Variants in TRHDE observed in about 807,000 individuals in gnomAD.
The protein encoded by TRHDE is thyrotropin releasing hormone degrading enzyme, also known as thyrotropin-releasing hormone-degrading ectoenzyme.
Under a neutral mutation model 125.7 loss-of-function variants are expected in TRHDE, and 72 were observed. The ratio of observed to expected loss-of-function variants is 0.57; its 90% CI spans 0.47 to 0.70. The LOEUF (loss-of-function observed/expected upper bound fraction) is 0.70. TRHDE is among the 30% of genes least tolerant of loss of function. The pLI, the probability that TRHDE is intolerant of heterozygous loss-of-function variation, is 0.00. For missense variants in TRHDE, 1,110 were observed against 1,327.1 expected (o/e 0.84, Z 2.54); for synonymous variants, 509 against 509.1 (o/e 1.00, Z 0.00).
intron 15 of TRHDE, among the ~76,000 whole-genome samples, chr12:72,644,757 G>C (rs937036146): frequency 6.6e-6 from 1 of 152,098 alleles, no homozygotes; most frequent in African/African-American, 2.4e-5. Flanking sequence ...GTTGAACTGT[G>C]CATCTACTGC....
At chr12:72,285,275 G>C (rs1879838641) in intron 1 of TRHDE, among the ~76,000 whole-genome samples, 1 of 152,122 alleles carries the variant, frequency 6.6e-6, no homozygotes, top group African/African-American at 2.4e-5. Context: ...GGGTTTGGTG[G>C]GAAAGTTGCC....
At chr12:72,200,140 A>G (rs1010194869) in intron 2 of TRHDE, among the ~76,000 whole-genome samples, 1 of 152,184 alleles carries the variant, frequency 6.6e-6, no homozygotes, top group Non-Finnish European at 1.5e-5. Context: ...TGATGGATGG[A>G]GATTTATTTC....
At chr12:72,394,344 C>T (rs1182133409) in intron 3 of TRHDE, among the ~76,000 whole-genome samples, 2 of 152,064 alleles carry the variant, frequency 1.3e-5, no homozygotes, top group African/African-American at 2.4e-5. Context: ...CTTTTACCTC[C>T]CAACACCATA....
intron 2 of TRHDE, among the ~76,000 whole-genome samples, chr12:72,349,550 TTG>T (rs1870485987): frequency 7.0e-6 from 1 of 143,096 alleles, no homozygotes; most frequent in African/African-American, 2.7e-5. Context: ...TTGCCTTTTT[TTG>T]GGCGGGGGGG....
intron 2 of TRHDE, among the ~76,000 whole-genome samples, chr12:72,352,090 G>A (rs1046988479): frequency 3.3e-5 from 5 of 151,806 alleles, no homozygotes; most frequent in African/African-American, 4.8e-5. Flanking sequence ...TTAAATGAAC[G>A]TTTGTCTCCT....
At chr12:72,491,396 G>A (rs146892761) in intron 5 of TRHDE, among the ~76,000 whole-genome samples, 1 of 151,874 alleles carries the variant, frequency 6.6e-6, no homozygotes, top group Non-Finnish European at 1.5e-5. Context: ...GAAAATGTGA[G>A]TGACTGATTG....
At chr12:72,499,769 T>A in intron 6 of TRHDE, 134 bp downstream of exon 6, 4 of 981,810 alleles carry the variant, frequency 4.1e-6, no homozygotes, top group African/African-American at 1.7e-5. Flanking sequence ...ACAGAGTCAC[T>A]AGGTTCGTGT....
intron 2 of TRHDE, among the ~76,000 whole-genome samples, chr12:72,119,729 A>G (rs912683814): frequency 2.0e-5 from 3 of 152,164 alleles, no homozygotes; most frequent in African/African-American, 7.2e-5. Context: ...TTGGGTACAT[A>G]TATATTTACA....
At chr12:72,218,088 A>G (rs1319967336) in intron 2 of TRHDE, among the ~76,000 whole-genome samples, 5 of 152,168 alleles carry the variant, frequency 3.3e-5, no homozygotes, top group Non-Finnish European at 7.4e-5. Flanking sequence ...GATGTGTAAT[A>G]AAACATTACA....
At position 72,131,119 on chromosome 12, in the gene TRHDE, T is replaced by G. The variant is rs1042344335; in HGVS notation, n.279+25367T>G. Among the ~76,000 whole-genome samples the G allele has an allele frequency of 4.1e-5, 6 of 147,180 alleles. No homozygotes were observed. The Admixed American group carries it at 4.1e-4, about 10-fold the overall frequency. On this transcript the variant is annotated intron_variant and non_coding_transcript_variant, in intron 2 of 4. Transcript: ENST00000548156. Reference sequence around the variant, plus strand: ...CAGAGTCTTCCTCTGTCACCCAGGCTGGAGTGCAGTGGCGCGATTTCGACT... The same window carrying G: ...CAGAGTCTTCCTCTGTCACCCAGGCGGGAGTGCAGTGGCGCGATTTCGACT...
chr12:72,634,902 T>A (rs1873666525), intron 15 of TRHDE, among the ~76,000 whole-genome samples: 1 of 152,158 alleles, frequency 6.6e-6, no homozygotes, highest in African/African-American at 2.4e-5. Flanking sequence ...AGTCTATCAT[T>A]GATGGACCTT....
intron 7 of TRHDE, among the ~76,000 whole-genome samples, chr12:72,555,866 C>T (rs1339657375): frequency 6.6e-6 from 1 of 152,170 alleles, no homozygotes; most frequent in Non-Finnish European, 1.5e-5. Context: ...TAATAATGCA[C>T]ATACTTACAA....
intron 6 of TRHDE, among the ~76,000 whole-genome samples, chr12:72,518,100 G>A (rs2135957919): frequency 6.7e-6 from 1 of 150,258 alleles, no homozygotes; most frequent in African/African-American, 2.5e-5. Context: ...GTGGTGTGGT[G>A]CTGAAAAAAA....
intron 12 of TRHDE, among the ~76,000 whole-genome samples, chr12:72,578,389 C>T (rs990139701): frequency 1.3e-5 from 2 of 152,252 alleles, no homozygotes; most frequent in Admixed American, 6.5e-5. Context: ...AGAGTGACTT[C>T]GCCCATTACA....
At chr12:72,250,288 A>G (rs1878652115) in intron 2 of TRHDE, among the ~76,000 whole-genome samples, 2 of 152,186 alleles carry the variant, frequency 1.3e-5, no homozygotes, top group African/African-American at 4.8e-5. Flanking sequence ...ATTGCATAGT[A>G]TAGGTAATAA....
Position 72,273,654 on chromosome 12 carries a change from A to G in TRHDE, c.914+97A>G, listed in dbSNP as rs1879357427. 2 of 1,206,916 alleles carry G rather than the reference A, an allele frequency of 1.7e-6. No homozygotes were observed. The highest frequency in any genetic ancestry group is 4.7e-5 in the East Asian group (2 of 42,332). The allele number at this position is 1,206,916 out of a possible 1,614,324, so 74.8% of individuals were successfully genotyped here. A position where few individuals can be genotyped will look rare whatever the true frequency, so the allele number is the denominator to read the frequency against. On this transcript the variant is annotated intron_variant, in intron 1 of 18. Transcript: ENST00000261180. This position sits in a 1 kb window ranked among gnomAD's most constrained non-coding sequence, Gnocchi z 5.3. ...CCCGGGGACCCAGCTGGCTTCCAATACCCGGGAAGCCAGGGGTGGGGGGAA... is the reference window on the plus strand; with the variant it reads ...CCCGGGGACCCAGCTGGCTTCCAATGCCCGGGAAGCCAGGGGTGGGGGGAA...
intron 15 of TRHDE, among the ~76,000 whole-genome samples, chr12:72,639,699 T>C (rs1287028147): frequency 6.6e-6 from 1 of 151,922 alleles, no homozygotes; most frequent in Non-Finnish European, 1.5e-5. Flanking sequence ...GTCCTTTCTG[T>C]TTGTTAGTTT....
intron 3 of TRHDE, among the ~76,000 whole-genome samples, chr12:72,442,484 C>G (rs1875062648): frequency 6.6e-6 from 1 of 151,904 alleles, no homozygotes. Flanking sequence ...CCAATAAACA[C>G]TTTTTCCTTA....
chr12:72,162,505 G>GT (rs1876657496), intron 2 of TRHDE, among the ~76,000 whole-genome samples: 1 of 152,168 alleles, frequency 6.6e-6, no homozygotes, highest in Non-Finnish European at 1.5e-5. Flanking sequence ...ATTGGCGATG[G>GT]TTGCTTTTTC....
Sources: gnomAD v4.1 joint callset for allele counts (sites outside exome capture counted in the v4.1 genomes callset) on GRCh38, gnomAD v4.1.1 for gene constraint, Gnocchi (gnomAD v3.1) non-coding constraint, MANE v1.5 for transcripts, NCBI Gene and HGNC (gene_info 2026-07-23, HGNC 2026-07-21) for gene names.